The following PRH1 variants were observed in gnomAD, a reference collection of about 807,000 sequenced individuals.
PRH1 encodes the protein salivary acidic proline-rich phosphoprotein 1/2.
In PRH1, 7 loss-of-function variants were observed where a neutral mutation model predicts 7.9. That is an observed-to-expected ratio of 0.89 (90% CI 0.50 to 1.67). PRH1 has a LOEUF of 1.67. Ranked by LOEUF, PRH1 falls within the 40% of genes most tolerant of loss-of-function variation. The pLI is 0.00. For missense variants in PRH1, 109 were observed against 223.6 expected, an observed-to-expected ratio of 0.49 and a Z score of 3.27; for synonymous variants, 45 against 80.8, an observed-to-expected ratio of 0.56 and a Z score of 2.38.
At chr12:11,129,159 CA>C (rs1946244138) in intron 1 of PRH1, among the ~76,000 whole-genome samples, 1 of 152,288 alleles carries the variant, frequency 6.6e-6, no homozygotes, top group Non-Finnish European at 1.5e-5. Context: ...AAGGGATCTT[CA>C]CACCTTGGCC....
intron 2 of PRH1, chr12:10,908,483 GAA>G: frequency 6.2e-7 from 1 of 1,613,904 alleles, no homozygotes; most frequent in Non-Finnish European, 8.5e-7. Flanking sequence ...TTGAAGGAGA[GAA>G]GACTCCAATC....
intron 1 of PRH1, chr12:11,030,485 T>C (rs751935462): frequency 2.5e-6 from 4 of 1,614,284 alleles, no homozygotes; most frequent in Admixed American, 1.7e-5. Context: ...CTTTAGCTTC[T>C]TGTTTCCCCA....
chr12:10,910,706 C>A (rs574340723), intron 2 of PRH1, among the ~76,000 whole-genome samples: 3 of 151,982 alleles, frequency 2.0e-5, no homozygotes, highest in African/African-American at 7.2e-5. Context: ...ATTCTGAAAA[C>A]GTGGAGACTC....
chr12:10,950,316 A>G (rs1950551051), intron 2 of PRH1, among the ~76,000 whole-genome samples: 1 of 152,126 alleles, frequency 6.6e-6, no homozygotes, highest in African/African-American at 2.4e-5. Flanking sequence ...AATTCTTTCA[A>G]TTGATAATCC....
At chr12:11,124,122 G>A (rs1380760272) in intron 1 of PRH1, among the ~76,000 whole-genome samples, 7 of 150,746 alleles carry the variant, frequency 4.6e-5, no homozygotes, top group African/African-American at 1.7e-4. Flanking sequence ...GCTTTTTTGG[G>A]ATAGTAGCTT....
At chr12:10,997,918 C>CCATCAG in intron 1 of PRH1, 3 of 1,268,722 alleles carry the variant, frequency 2.4e-6, no homozygotes, top group Non-Finnish European at 3.3e-6. Flanking sequence ...CCTAATGTCA[C>CCATCAG]TGATGGTGAC....
At chr12:11,023,973 A>G (rs1453057562) in intron 1 of PRH1, among the ~76,000 whole-genome samples, 1 of 152,242 alleles carries the variant, frequency 6.6e-6, no homozygotes. Context: ...GGAATTCAGG[A>G]TCGAAGGAAA....
At chr12:10,912,345 G>A (rs140085016) in intron 2 of PRH1, among the ~76,000 whole-genome samples, 1,677 of 151,980 alleles carry the variant, frequency 0.011, 19 homozygotes, top group South Asian at 0.034. Flanking sequence ...TGGCAGTTAC[G>A]ACTTTCTAGA....
chr12:10,989,464 T>G (rs11054134), intron 1 of PRH1, among the ~76,000 whole-genome samples: 51,759 of 152,058 alleles, frequency 0.34, 9,876 homozygotes, highest in East Asian at 0.74. Flanking sequence ...CATAGAAAGA[T>G]AATTACAGGG....
intron 1 of PRH1, among the ~76,000 whole-genome samples, chr12:11,155,402 C>A (rs553981803): frequency 2.0e-5 from 3 of 152,230 alleles, no homozygotes; most frequent in African/African-American, 7.2e-5. Context: ...GATTATAAGT[C>A]TTTTCTAGAA....
chr12:10,939,205 CA>C (rs1405294548), intron 2 of PRH1: 1 of 1,545,198 alleles, frequency 6.5e-7, no homozygotes, highest in African/African-American at 1.4e-5. Flanking sequence ...TGACACCACC[CA>C]TTGCCTGTAA....
upstream of PRH1, chr12:11,171,533 C>T: frequency 1.6e-6 from 2 of 1,232,294 alleles, no homozygotes; most frequent in Non-Finnish European, 2.0e-6. Flanking sequence ...GCTCGGTGAT[C>T]CTCAACATCC....
At chr12:11,040,548 C>T (rs1376306747) in intron 1 of PRH1, among the ~76,000 whole-genome samples, 1 of 152,130 alleles carries the variant, frequency 6.6e-6, no homozygotes, top group Non-Finnish European at 1.5e-5. Context: ...GGGAACATCA[C>T]ACACCTGGGC....
chr12:10,908,020 T>C, intron 2 of PRH1: 1 of 189,366 alleles, frequency 5.3e-6, no homozygotes, highest in Non-Finnish European at 1.1e-5. Context: ...AATAAAATAA[T>C]TACCTAAATC....
Position 11,133,668 on chromosome 12 carries a change from T to C in PRH1, n.40-12488A>G, listed in dbSNP as rs138949168. The C allele has an allele frequency of 7.4e-4, 1,201 of 1,614,244 alleles. No individual in the cohort carries two copies. The African/African-American group carries it at 0.015, about 20-fold the overall frequency. Reference sequence around the variant, plus strand: ...GAACAGATTAACAGCAGAAAAGATATCAGGGTCAGAGTGAGGGGTACAAAG... The same window carrying C: ...GAACAGATTAACAGCAGAAAAGATACCAGGGTCAGAGTGAGGGGTACAAAG... On this transcript the variant is annotated intron_variant and non_coding_transcript_variant, in intron 1 of 1. Transcript: ENST00000541175.
intron 1 of PRH1, among the ~76,000 whole-genome samples, chr12:11,037,031 T>C (rs1166636202): frequency 1.3e-5 from 2 of 152,224 alleles, no homozygotes; most frequent in Non-Finnish European, 2.9e-5. Context: ...TCAAGAATAA[T>C]GTAAAACCAA....
At chr12:11,014,824 G>T (rs1941217874) in intron 1 of PRH1, among the ~76,000 whole-genome samples, 1 of 152,106 alleles carries the variant, frequency 6.6e-6, no homozygotes, top group Admixed American at 6.5e-5. Flanking sequence ...AGACTTTTAG[G>T]TATAGGGCTC....
chr12:11,153,615 G>A (rs1437342878), intron 1 of PRH1, among the ~76,000 whole-genome samples: 4 of 152,078 alleles, frequency 2.6e-5, no homozygotes, highest in Non-Finnish European at 2.9e-5. Context: ...CCTGTAATGA[G>A]TTACCTTGAG....
intron 1 of PRH1, among the ~76,000 whole-genome samples, chr12:11,155,063 A>C (rs946994884): frequency 4.6e-5 from 7 of 152,236 alleles, no homozygotes; most frequent in Non-Finnish European, 1.0e-4. Flanking sequence ...ACATGTGGGC[A>C]CAAATTTTAT....
Sources: gnomAD v4.1 joint callset for allele counts (sites outside exome capture counted in the v4.1 genomes callset) on GRCh38, gnomAD v4.1.1 for gene constraint, MANE v1.5 for transcripts, NCBI Gene and HGNC (gene_info 2026-07-23, HGNC 2026-07-21) for gene names.